The following GRM8 variants were observed in gnomAD, a reference collection of about 807,000 sequenced individuals.
The protein encoded by GRM8 is glutamate metabotropic receptor 8, also known as metabotropic glutamate receptor 8.
Under a neutral mutation model 87.2 loss-of-function variants are expected in GRM8, and 47 were observed. The observed-to-expected ratio is 0.54, with a 90% CI of 0.43 to 0.69. GRM8 has a LOEUF of 0.69. Among genes scored for constraint, GRM8 ranks in the 30% least tolerant of loss-of-function variants. GRM8 has a pLI of 0.00. For missense variants in GRM8, 1,019 were observed against 1,139.2 expected, an observed-to-expected ratio of 0.89 and a Z score of 1.52; for synonymous variants, 396 against 404.5, an observed-to-expected ratio of 0.98 and a Z score of 0.25.
At chr7:126,732,802 T>C (rs534768466) in intron 7 of GRM8, among the ~76,000 whole-genome samples, 1 of 152,110 alleles carries the variant, frequency 6.6e-6, no homozygotes, top group African/African-American at 2.4e-5. Flanking sequence ...TTTCAAGATA[T>C]GGAAAATCTG....
intron 8 of GRM8, among the ~76,000 whole-genome samples, chr7:126,577,514 A>G (rs1007719858): frequency 6.6e-6 from 1 of 152,156 alleles, no homozygotes; most frequent in African/African-American, 2.4e-5. Flanking sequence ...CCAAAGTGTA[A>G]AACACTATGA....
chr7:126,767,991 T>C lies in GRM8; in HGVS notation c.1357+1874A>G, dbSNP rs146238524. Among the ~76,000 whole-genome samples, 392 of 152,170 alleles carry C rather than the reference T, an allele frequency of 2.6e-3. 3 individuals carry two copies. The highest frequency in any genetic ancestry group is 8.9e-3 in the African/African-American group (368 of 41,540). On this transcript the variant is annotated intron_variant, in intron 7 of 10. Coordinates refer to ENST00000339582, the MANE Select transcript of GRM8 (RefSeq NM_000845.3). Reference sequence around the variant, plus strand: ...ACAGTTCTATTATGCTCCAATAGGTTCTTGTTGCTTTCGAGATGAAGAACA... The same window carrying C: ...ACAGTTCTATTATGCTCCAATAGGTCCTTGTTGCTTTCGAGATGAAGAACA...
At chr7:126,560,069 C>T (rs1027382029) in intron 8 of GRM8, among the ~76,000 whole-genome samples, 2 of 152,198 alleles carry the variant, frequency 1.3e-5, no homozygotes, top group Non-Finnish European at 2.9e-5. Context: ...ACTTACATAA[C>T]AGCAGCAACA....
At chr7:126,538,072 C>T (rs996188378) in intron 8 of GRM8, among the ~76,000 whole-genome samples, 2 of 152,108 alleles carry the variant, frequency 1.3e-5, no homozygotes, top group African/African-American at 4.8e-5. Context: ...AAAAAAATGG[C>T]CCATTCTTAT....
intron 2 of GRM8, among the ~76,000 whole-genome samples, chr7:127,127,723 T>C (rs1271698177): frequency 6.6e-6 from 1 of 152,072 alleles, no homozygotes; most frequent in Non-Finnish European, 1.5e-5. Flanking sequence ...CAGGTTTATA[T>C]ATTTGTCAAA....
At chr7:126,939,470 G>A (rs1806675967) in intron 3 of GRM8, among the ~76,000 whole-genome samples, 1 of 152,084 alleles carries the variant, frequency 6.6e-6, no homozygotes, top group Non-Finnish European at 1.5e-5. Context: ...GGTTGCTATG[G>A]GTATTAAATG....
At chr7:126,897,478 CAG>C (rs1386073770) in intron 6 of GRM8, among the ~76,000 whole-genome samples, 1 of 151,622 alleles carries the variant, frequency 6.6e-6, no homozygotes, top group Non-Finnish European at 1.5e-5. Flanking sequence ...TGTGTAAAGA[CAG>C]GGAGAGGATG....
At chr7:126,698,485 A>G (rs1171492458) in intron 7 of GRM8, among the ~76,000 whole-genome samples, 2 of 152,184 alleles carry the variant, frequency 1.3e-5, no homozygotes, top group Non-Finnish European at 1.5e-5. Flanking sequence ...ATATCAGTGC[A>G]TGTGTGCTAC....
At chr7:126,444,476 T>C (rs1026130539) in intron 10 of GRM8, among the ~76,000 whole-genome samples, 1 of 152,072 alleles carries the variant, frequency 6.6e-6, no homozygotes, top group Non-Finnish European at 1.5e-5. Flanking sequence ...GTGAAATTCT[T>C]GTAAGGTTCA....
chr7:126,864,962 C>G (rs150760944), intron 6 of GRM8, among the ~76,000 whole-genome samples: 1 of 152,288 alleles, frequency 6.6e-6, no homozygotes, highest in East Asian at 1.9e-4. Context: ...TACTCTGGTA[C>G]AGGGCACAGA....
chr7:127,222,474 A>G lies in GRM8; in HGVS notation c.510+20221T>C, dbSNP rs975482484. Among the ~76,000 whole-genome samples, 9 of 152,184 alleles carry G rather than the reference A, an allele frequency of 5.9e-5. No homozygotes were observed. The East Asian group carries it at 1.7e-3, about 29-fold the overall frequency. On this transcript the variant is annotated intron_variant, in intron 2 of 10. Coordinates refer to ENST00000339582, the MANE Select transcript of GRM8 (RefSeq NM_000845.3). Reference sequence around the variant, plus strand: ...TACTCTACCCTACTTTCTCAGAGGAATCACTGTTCTTGCTACATGTTCTAA... The same window carrying G: ...TACTCTACCCTACTTTCTCAGAGGAGTCACTGTTCTTGCTACATGTTCTAA...
intron 3 of GRM8, among the ~76,000 whole-genome samples, chr7:126,912,522 C>G (rs993190412): frequency 6.6e-6 from 1 of 152,164 alleles, no homozygotes; most frequent in Non-Finnish European, 1.5e-5. Flanking sequence ...GACAAAAAAT[C>G]TCTTTGGTTC....
At chr7:126,727,177 T>G (rs1813086957) in intron 7 of GRM8, among the ~76,000 whole-genome samples, 1 of 151,792 alleles carries the variant, frequency 6.6e-6, no homozygotes, top group Admixed American at 6.6e-5. Flanking sequence ...ACATACAATA[T>G]TAATATATAT....
Position 126,903,999 on chromosome 7 carries a change from T to C in GRM8, c.991A>G (p.Ile331Val), listed in dbSNP as rs1465267223. The change falls in exon 5 of 11, where the codon ATT becomes GTT. Residue 331 changes from isoleucine to valine, a missense_variant. Transcript: ENST00000339582. Reference protein sequence around the residue: ...QEEIAEGAVTILPKRASIDGF... With the variant: ...QEEIAEGAVTVLPKRASIDGF... ...TCAATTGATGCTCGTTTGGGCAAAA[T>C]TGTCACAGCCCCTTCTGCAATCTCC... 7 of 1,557,836 alleles carry C rather than the reference T, an allele frequency of 4.5e-6. No individual in the cohort carries two copies. The highest frequency in any genetic ancestry group is 5.3e-6 in the Non-Finnish European group (6 of 1,131,376).
intron 2 of GRM8, among the ~76,000 whole-genome samples, chr7:127,109,216 G>C (rs1283038769): frequency 2.0e-5 from 3 of 151,950 alleles, no homozygotes; most frequent in Admixed American, 1.3e-4. Context: ...AAAAAAAGGT[G>C]GTGAATGGTG....
intron 8 of GRM8, among the ~76,000 whole-genome samples, chr7:126,548,471 A>T (rs1351411986): frequency 1.3e-5 from 2 of 152,180 alleles, no homozygotes; most frequent in African/African-American, 4.8e-5. Flanking sequence ...TTTAAAAATT[A>T]CGGTTACTAG....
In GRM8 at chr7:126,704,755, G is replaced by A. The variant is rs149349139; in HGVS notation, c.1357+65110C>T. Reference sequence around the variant, plus strand: ...GGCTTATTAGGAAGAGGAAATTCCCGCCCAATAAATTTTTAACAGACTGGT... The same window carrying A: ...GGCTTATTAGGAAGAGGAAATTCCCACCCAATAAATTTTTAACAGACTGGT... On this transcript the variant is annotated intron_variant, in intron 7 of 10. Coordinates refer to ENST00000339582, the MANE Select transcript of GRM8 (RefSeq NM_000845.3). Among the ~76,000 whole-genome samples the A allele has an allele frequency of 7.8e-3, 1,183 of 152,058 alleles. 17 individuals are homozygous for A. Among genetic ancestry groups the A allele is most frequent in the African/African-American group, 0.026 (1,096 of 41,492 alleles).
chr7:127,017,941 AT>A (rs1347387278), intron 3 of GRM8, among the ~76,000 whole-genome samples: 1 of 152,084 alleles, frequency 6.6e-6, no homozygotes, highest in African/African-American at 2.4e-5. Context: ...AACAAAATAT[AT>A]TCATTATTAA....
chr7:127,242,625 A>ACTTTC, intron 2 of GRM8, 70 bp downstream of exon 2: 1 of 1,427,732 alleles, frequency 7.0e-7, no homozygotes, highest in Non-Finnish European at 9.6e-7. Context: ...TTTCTTCTTA[A>ACTTTC]ACCTGCAGTA....
Sources: allele counts gnomAD v4.1 joint callset (sites outside exome capture counted in the v4.1 genomes callset), GRCh38; gene constraint gnomAD v4.1.1; transcripts MANE v1.5; gene names NCBI Gene and HGNC (gene_info 2026-07-23, HGNC 2026-07-21).